The following KCNG1 variants were observed in gnomAD, a reference collection of about 807,000 sequenced individuals.
The protein encoded by KCNG1 is potassium voltage-gated channel modifier subfamily G member 1, also known as voltage-gated potassium channel regulatory subunit KCNG1.
In KCNG1, 17 loss-of-function variants were observed where a neutral mutation model predicts 32.4. The ratio of observed to expected loss-of-function variants is 0.52; its 90% CI spans 0.36 to 0.79. The LOEUF (loss-of-function observed/expected upper bound fraction) is 0.79, where lower values mean the gene tolerates loss of function less well. Ranked by LOEUF, KCNG1 falls within the 30% of genes least tolerant of loss-of-function variation. The probability of loss-of-function intolerance (pLI) is 0.00; values close to 1 mark genes in which losing one functional copy is unlikely to be tolerated. For synonymous variants in KCNG1, 358 were observed against 339.9 expected (o/e 1.05, Z -0.59); for missense variants, 441 against 735.2 (o/e 0.60, Z 4.63).
chr20:51,020,380 G>A (rs577759499), intron 1 of KCNG1, among the ~76,000 whole-genome samples: 6 of 152,202 alleles, frequency 3.9e-5, no homozygotes, highest in South Asian at 2.1e-4. Context: ...GAGCATGATC[G>A]GACCTGCCCG....
chr20:51,020,327 G>A (rs949110017), intron 1 of KCNG1, among the ~76,000 whole-genome samples: 4 of 152,116 alleles, frequency 2.6e-5, no homozygotes, highest in Admixed American at 1.3e-4. Flanking sequence ...ACCTCAGGAC[G>A]GCAGGAAGGG....
At position 51,015,421 on chromosome 20, in the gene KCNG1, G is replaced by GGAC. The variant is rs1988245684; in HGVS notation, c.-26-5060_-26-5058dup. Among the ~76,000 whole-genome samples, 1 of 152,196 alleles carries GGAC rather than the reference G, an allele frequency of 6.6e-6. No individual in the cohort carries two copies. Among genetic ancestry groups the GGAC allele is most frequent in the African/African-American group, 2.4e-5 (1 of 41,450 alleles). ...GAGGGGGGAGATGGGTGTCTCCCAA[G>GGAC]GACGGTGCCAGACCATCAATGCTGA... On this transcript the variant is annotated intron_variant, in intron 1 of 2. Transcript: ENST00000371571. This position sits in a 1 kb window ranked among gnomAD's most constrained non-coding sequence, Gnocchi z 4.4.
intron 1 of KCNG1, 143 bp from the exon 2 acceptor site, chr20:51,010,507 G>C (rs1180678543): frequency 3.2e-6 from 2 of 630,766 alleles, no homozygotes; most frequent in Non-Finnish European, 5.3e-6. Flanking sequence ...CCCTCAATGG[G>C]ATGGTATTAG....
intron 1 of KCNG1, among the ~76,000 whole-genome samples, chr20:51,011,384 A>G (rs2123241361): frequency 6.6e-6 from 1 of 152,050 alleles, no homozygotes; most frequent in East Asian, 1.9e-4. Flanking sequence ...AATTTAGTGT[A>G]GACCTACAGT....
chr20:51,019,726 G>A (rs376918231), intron 1 of KCNG1, among the ~76,000 whole-genome samples: 29 of 151,906 alleles, frequency 1.9e-4, no homozygotes, highest in African/African-American at 6.5e-4. Context: ...TCGGGGACCC[G>A]TCCGTCTCTC....
In KCNG1 at chr20:51,004,225, C is replaced by T; in HGVS notation, c.1356G>A (p.Met452Ile). 2 of 1,614,070 alleles carry T rather than the reference C, an allele frequency of 1.2e-6. No individual in the cohort carries two copies. Among genetic ancestry groups the T allele is most frequent in the Non-Finnish European group, 8.5e-7 (1 of 1,179,988 alleles). ...GGAAGATGGAGGTGACTGGGAAGGC[C>T]ATGAGCAGGATGCCGCTCAGGATGC... Reference protein sequence around the residue: ...LSSILSGILLMAFPVTSIFHT... With the variant: ...LSSILSGILLIAFPVTSIFHT... Residue 452 changes from methionine (M) to isoleucine (I), a missense_variant, in exon 3 of 3, where the codon ATG (methionine) becomes ATA (isoleucine). Physicochemically the swap from Met to Ile is conservative, Grantham distance 10. Transcript: ENST00000371571. The surrounding 1 kb of genome is among the most constrained non-coding windows in gnomAD (Gnocchi z 4.3).
intron 2 of KCNG1, 96 bp downstream of exon 2, chr20:51,009,469 A>G (rs758917050): frequency 3.6e-5 from 48 of 1,339,754 alleles, no homozygotes; most frequent in Non-Finnish European, 4.5e-5. Context: ...CTATTCAGCC[A>G]GTGTGCAATC....
Position 51,003,800 on chromosome 20 carries a change from G to A in KCNG1, c.*239C>T. ...CACACATAGGGGCTGGGGTGGGCGG[G>A]GCTGGGCTGATGACCCAGCTTCCTT... On this transcript the variant is annotated 3_prime_UTR_variant, in exon 3 of 3. Transcript: ENST00000371571. 1 of 528,404 alleles carries A rather than the reference G, an allele frequency of 1.9e-6. No homozygotes were observed. Among genetic ancestry groups the A allele is most frequent in the Non-Finnish European group, 3.4e-6 (1 of 296,622 alleles). The allele number at this position is 528,404 out of a possible 1,614,324, so 32.7% of individuals were successfully genotyped here. A position where few individuals can be genotyped will look rare whatever the true frequency, so the allele number is the denominator to read the frequency against.
chr20:51,004,768 C>A lies in KCNG1; in HGVS notation c.813G>T (p.Val271=). The A allele has an allele frequency of 6.3e-7, 1 of 1,585,996 alleles. No homozygotes were observed. Among genetic ancestry groups the A allele is most frequent in the East Asian group, 2.3e-5 (1 of 43,958 alleles). ...AGAACCAGCCCACGCACACCGACTCCACGATGAAGACGTTGTGGCACATCT... is the reference window on the plus strand; with the variant it reads ...AGAACCAGCCCACGCACACCGACTCAACGATGAAGACGTTGTGGCACATCT... ...CSQMCHNVFI[V]ESVCVGWFSL... Residue 271 remains valine, a synonymous_variant, in exon 3 of 3, where the codon GTG becomes GTT. Transcript: ENST00000371571. The surrounding 1 kb of genome is among the most constrained non-coding windows in gnomAD (Gnocchi z 4.3).
In KCNG1 at chr20:51,015,170, G is replaced by C. The variant is rs77065324; in HGVS notation, c.-26-4806C>G. Among the ~76,000 whole-genome samples, 4,602 of 152,210 alleles carry C rather than the reference G, an allele frequency of 0.03. 216 individuals are homozygous for C. Among genetic ancestry groups the C allele is most frequent in the African/African-American group, 0.11 (4,363 of 41,486 alleles). On this transcript the variant is annotated intron_variant, in intron 1 of 2. Transcript: ENST00000371571. This position sits in a 1 kb window ranked among gnomAD's most constrained non-coding sequence, Gnocchi z 4.4. ...GAAATGACTAAGGTTTGCAGCGGTG[G>C]AAGTCCCAGAGAACAGGAGGGATTT...
In KCNG1 at chr20:51,015,897, T is replaced by C. The variant is rs1988265369; in HGVS notation, c.-26-5533A>G. 6.6e-6 allele frequency among the ~76,000 whole-genome samples: 1 copy of C among 152,156 alleles called. No homozygotes were observed. Among genetic ancestry groups the C allele is most frequent in the Admixed American group, 6.5e-5 (1 of 15,278 alleles). On this transcript the variant is annotated intron_variant, in intron 1 of 2. Transcript: ENST00000371571. This position sits in a 1 kb window ranked among gnomAD's most constrained non-coding sequence, Gnocchi z 4.4. ...GGCTGCGGCATGAGAATGACTCCACTGGCCACTGCTGGCTTTGAAGATGGA... is the reference window on the plus strand; with the variant it reads ...GGCTGCGGCATGAGAATGACTCCACCGGCCACTGCTGGCTTTGAAGATGGA...
rs868199475 is a variant in KCNG1 at position 51,022,482 on chromosome 20, C to G, written c.-27+388G>C. ...TGTGCCTAAGGATACAGTGAATGAGCAAGTGACACACACTCCCCCACCCCA... is the reference window on the plus strand; with the variant it reads ...TGTGCCTAAGGATACAGTGAATGAGGAAGTGACACACACTCCCCCACCCCA... On this transcript the variant is annotated intron_variant, in intron 1 of 2. Coordinates refer to ENST00000371571, the MANE Select transcript of KCNG1 (RefSeq NM_002237.4). 4.6e-5 allele frequency among the ~76,000 whole-genome samples: 7 copies of G among 152,306 alleles called. No homozygotes were observed. The South Asian group carries it at 1.2e-3, about 27-fold the overall frequency.
Position 51,010,147 on chromosome 20 carries a change from C to T in KCNG1, c.192G>A (p.Arg64=), listed in dbSNP as rs371150331. ...QGCQPEDRRR[R]IIINVGGIKY... The stretch of plus-strand genomic sequence containing the variant: ...TGATGCCGCCTACGTTGATGATGAT[C>T]CGACGGCGGCGGTCCTCGGGCTGAC... The change falls in exon 2 of 3, where the codon CGG becomes CGA. Residue 64 remains arginine, a synonymous_variant. Transcript: ENST00000371571. The T allele has an allele frequency of 6.2e-7, 1 of 1,611,282 alleles. No homozygotes were observed.
chr20:51,017,120 T>A (rs1988308209), intron 1 of KCNG1, among the ~76,000 whole-genome samples: 1 of 152,186 alleles, frequency 6.6e-6, no homozygotes, highest in Non-Finnish European at 1.5e-5. Context: ...GGTACAAAAA[T>A]GTGTGTTCTG....
At chr20:51,008,712 A>G (rs1987936641) in intron 2 of KCNG1, among the ~76,000 whole-genome samples, 1 of 152,176 alleles carries the variant, frequency 6.6e-6, no homozygotes, top group African/African-American at 2.4e-5. Flanking sequence ...GTTGGCAACC[A>G]AGTCAAATTT....
chr20:51,009,043 C>T (rs925678920), intron 2 of KCNG1, among the ~76,000 whole-genome samples: 2 of 152,120 alleles, frequency 1.3e-5, no homozygotes, highest in African/African-American at 4.8e-5. Context: ...CATTCATTCT[C>T]TTATGTAACA....
Position 51,010,355 on chromosome 20 carries a change from C to T in KCNG1, c.-17G>A. ...GAGGGTCATTTTGGGCCTTCACATC[C>T]CTCTCGGGCCTGTGGGGAGAAGGGA... On this transcript the variant is annotated 5_prime_UTR_variant, in exon 2 of 3. Coordinates refer to ENST00000371571, the MANE Select transcript of KCNG1 (RefSeq NM_002237.4). 6.7e-7 allele frequency: 1 copy of T among 1,501,078 alleles called. No individual in the cohort carries two copies. Among genetic ancestry groups the T allele is most frequent in the Non-Finnish European group, 8.8e-7 (1 of 1,133,610 alleles). The allele number at this position is 1,501,078 out of a possible 1,614,324, so 93.0% of individuals were successfully genotyped here. A position where few individuals can be genotyped will look rare whatever the true frequency, so the allele number is the denominator to read the frequency against.
At chr20:51,010,647 C>A (rs1988048544) in intron 1 of KCNG1, among the ~76,000 whole-genome samples, 1 of 152,188 alleles carries the variant, frequency 6.6e-6, no homozygotes, top group South Asian at 2.1e-4. Context: ...GTAATCCCAG[C>A]ACTTTGGGAG....
intron 1 of KCNG1, among the ~76,000 whole-genome samples, chr20:51,021,072 A>T (rs1988462823): frequency 6.6e-6 from 1 of 152,146 alleles, no homozygotes; most frequent in South Asian, 2.1e-4. Context: ...TGATTTTTTT[A>T]CTCCCAAGGT....
Sources: gnomAD v4.1 joint callset for allele counts (sites outside exome capture counted in the v4.1 genomes callset) on GRCh38, gnomAD v4.1.1 for gene constraint, Gnocchi (gnomAD v3.1) non-coding constraint, MANE v1.5 for transcripts, NCBI Gene and HGNC (gene_info 2026-07-23, HGNC 2026-07-21) for gene names.